FBN2: variants seen among roughly 807,000 people sequenced by gnomAD.
The protein encoded by FBN2 is fibrillin 2.
Under a neutral mutation model 355.6 loss-of-function variants are expected in FBN2, and 105 were observed. That is an observed-to-expected ratio of 0.30 (90% CI 0.25 to 0.35). The LOEUF (loss-of-function observed/expected upper bound fraction) is 0.35, where lower values mean the gene tolerates loss of function less well. FBN2 is among the 10% of genes least tolerant of loss of function. The pLI is 1.00. For synonymous variants in FBN2, 1,350 were observed against 1,301.2 expected, an observed-to-expected ratio of 1.04 and a Z score of -0.81; for missense variants, 3,280 against 3,758.7, an observed-to-expected ratio of 0.87 and a Z score of 3.33.
intron 62 of FBN2, among the ~76,000 whole-genome samples, chr5:128,266,174 T>A (rs760661333): frequency 1.3e-4 from 20 of 152,202 alleles, no homozygotes; most frequent in Admixed American, 6.5e-5. Context: ...GGGAAGAAAG[T>A]CAGCAATTTT....
rs754101758 is a variant in FBN2, at chr5:128,263,479, G to T, written c.8138C>A (p.Thr2713Lys). The change falls in exon 63 of 65, where the codon ACG becomes AAG. Residue 2713 changes from threonine to lysine, a missense_variant. Transcript: ENST00000262464. ...GCAGCCACAGAGGTAGCCCCCCTCC[G>T]TGTTAGAGCAGCCGTAATTGCAGGG... ...KNPCNYGCSNTEGGYLCGCPP... is the reference protein window; with the variant it reads ...KNPCNYGCSNKEGGYLCGCPP... 11 of 1,614,078 alleles carry T rather than the reference G, an allele frequency of 6.8e-6. No homozygotes were observed. The highest frequency in any genetic ancestry group is 9.3e-6 in the Non-Finnish European group (11 of 1,179,990).
intron 16 of FBN2, 121 bp from the exon 17 acceptor site, chr5:128,366,551 G>A: frequency 5.4e-6 from 3 of 552,218 alleles, no homozygotes; most frequent in Non-Finnish European, 9.7e-6. Flanking sequence ...TTTTTAAAGT[G>A]AAAAAAATTA....
chr5:128,535,314 C>A (rs1756817519), intron 2 of FBN2, among the ~76,000 whole-genome samples: 1 of 151,262 alleles, frequency 6.6e-6, no homozygotes, highest in Admixed American at 6.6e-5. Flanking sequence ...AAGCATCTAT[C>A]TCAAAACCAC....
At chr5:128,402,628 G>GA (rs1451699559) in intron 8 of FBN2, among the ~76,000 whole-genome samples, 1 of 152,172 alleles carries the variant, frequency 6.6e-6, no homozygotes, top group Non-Finnish European at 1.5e-5. Context: ...GTCTCCTGTG[G>GA]AATTAGGTTT....
chr5:128,519,155 T>A lies in FBN2; in HGVS notation c.628+118A>T, dbSNP rs6886186. 77,801 of 772,820 alleles carry A rather than the reference T, an allele frequency of 0.1. 7,081 individuals carry two copies. Among genetic ancestry groups the A allele is most frequent in the African/African-American group, 0.38 (21,693 of 57,748 alleles). 47.9% of individuals were successfully genotyped at this position (772,820 alleles called of 1,614,324 possible). ...CTTACCATTCAACTTAGAGACATAA[T>A]CAAAGAAGAGTAAAAATATAATTTC... On this transcript the variant is annotated intron_variant, in intron 5 of 64. Coordinates refer to ENST00000262464, the MANE Select transcript of FBN2 (RefSeq NM_001999.4).
Position 128,276,106 on chromosome 5 carries a change from G to C in FBN2, c.7526C>G (p.Thr2509Ser), listed in dbSNP as rs1489717742. The C allele has an allele frequency of 6.2e-7, 1 of 1,613,608 alleles. No individual in the cohort carries two copies. Among genetic ancestry groups the C allele is most frequent in the Non-Finnish European group, 8.5e-7 (1 of 1,179,680 alleles). ...ACATGAACACTGATAACTCCCCTCA[G>C]TGTTCTTGCAGATGTAGTTGCATGG... Reference protein sequence around the residue: ...PKPCNYICKNTEGSYQCSCPR... With the variant: ...PKPCNYICKNSEGSYQCSCPR... The change falls in exon 59 of 65, where the codon ACT becomes AGT. Residue 2509 changes from threonine (T) to serine (S), a missense_variant. Around this residue, in one of 6 missense-constraint regions of FBN2, gnomAD observed 2,284 missense variants for 2,749.5 expected, o/e 0.83. Transcript: ENST00000262464.
chr5:128,444,361 C>T (rs757774866), intron 7 of FBN2, among the ~76,000 whole-genome samples: 15 of 152,114 alleles, frequency 9.9e-5, no homozygotes, highest in African/African-American at 1.4e-4. Context: ...CGTGAGCCAC[C>T]GCGCCCGGCC....
At chr5:128,348,308 T>C (rs921533479) in intron 23 of FBN2, among the ~76,000 whole-genome samples, 1 of 152,172 alleles carries the variant, frequency 6.6e-6, no homozygotes, top group Admixed American at 6.5e-5. Context: ...TTTCTAAACA[T>C]TGTAGATCAC....
intron 15 of FBN2, among the ~76,000 whole-genome samples, chr5:128,369,997 A>G (rs1039687848): frequency 8.5e-5 from 13 of 152,202 alleles, no homozygotes; most frequent in Admixed American, 6.5e-4. Flanking sequence ...CATTTTATAG[A>G]TGAGGAAGAT....
chr5:128,373,812 G>C (rs1262588250), intron 15 of FBN2, among the ~76,000 whole-genome samples: 1 of 151,996 alleles, frequency 6.6e-6, no homozygotes, highest in South Asian at 2.1e-4. Flanking sequence ...GATTTTCATG[G>C]GATCAATTTG....
rs866096064 is a variant in FBN2, at chr5:128,480,006, A to G, written c.629-15085T>C. On this transcript the variant is annotated intron_variant, in intron 5 of 64. Transcript: ENST00000262464. ...TATATATATATATATATATATATAT[A>G]TATATATATATATATATGTATATAC... Among the ~76,000 whole-genome samples, 607 of 81,506 alleles carry G rather than the reference A, an allele frequency of 7.4e-3. 14 individuals carry two copies. Among genetic ancestry groups the G allele is most frequent in the African/African-American group, 0.013 (286 of 21,892 alleles). 53.5% of individuals were successfully genotyped at this position (81,506 alleles called of 152,430 possible). A position where few individuals can be genotyped will look rare whatever the true frequency, so the allele number is the denominator to read the frequency against.
chr5:128,354,075 A>G (rs908197886), intron 20 of FBN2, among the ~76,000 whole-genome samples: 1 of 152,208 alleles, frequency 6.6e-6, no homozygotes, highest in Admixed American at 6.5e-5. Flanking sequence ...ACAGATGTAG[A>G]TAGTCAGGAA....
intron 24 of FBN2, 87 bp from the exon 25 acceptor site, chr5:128,344,597 A>G: frequency 3.1e-6 from 4 of 1,287,064 alleles, no homozygotes; most frequent in Non-Finnish European, 3.4e-6. Flanking sequence ...ATCATGATGG[A>G]CAACAGTAAT....
chr5:128,345,098 G>A (rs1025602795), intron 24 of FBN2, among the ~76,000 whole-genome samples: 1 of 152,204 alleles, frequency 6.6e-6, no homozygotes. Context: ...TGCTACAGAT[G>A]TAGCTATCAG....
Position 128,273,874 on chromosome 5 carries a change from C to T in FBN2, c.7806G>A (p.Gly2602=). The T allele has an allele frequency of 6.2e-7, 1 of 1,613,988 alleles. No individual in the cohort carries two copies. The highest frequency in any genetic ancestry group is 1.1e-5 in the South Asian group (1 of 91,084). Residue 2602 remains glycine (G), a synonymous_variant, in exon 61 of 65, where the codon GGG becomes GGA. Coordinates refer to ENST00000262464, the MANE Select transcript of FBN2 (RefSeq NM_001999.4). ...TCAGTCCGGTGGCATCAAGAGAGAA[C>T]CCTCTTTGGCATTCACAGCTGAAAC... ...PGSFSCECQR[G]FSLDATGLNC...
intron 6 of FBN2, among the ~76,000 whole-genome samples, chr5:128,460,689 T>C (rs1236543148): frequency 6.6e-6 from 1 of 151,942 alleles, no homozygotes; most frequent in African/African-American, 2.4e-5. Flanking sequence ...AACAGAGACC[T>C]CAGAAATAAC....
chr5:128,493,296 T>C (rs1755559396), intron 5 of FBN2, among the ~76,000 whole-genome samples: 1 of 152,108 alleles, frequency 6.6e-6, no homozygotes, highest in African/African-American at 2.4e-5. Context: ...CGAAGGTGTA[T>C]TTGGGAAAAA....
At chr5:128,464,122 T>A (rs955926196) in intron 6 of FBN2, among the ~76,000 whole-genome samples, 2 of 152,214 alleles carry the variant, frequency 1.3e-5, no homozygotes, top group African/African-American at 4.8e-5. Context: ...TGCAGTCTAC[T>A]AAGGTAGCAT....
At chr5:128,399,226 G>T (rs1339839252) in intron 8 of FBN2, among the ~76,000 whole-genome samples, 2 of 152,198 alleles carry the variant, frequency 1.3e-5, no homozygotes, top group South Asian at 2.1e-4. Flanking sequence ...TGAAACTGCA[G>T]AACTACAAAG....
Sources: gnomAD v4.1 joint callset for allele counts (sites outside exome capture counted in the v4.1 genomes callset) on GRCh38, gnomAD v4.1.1 for gene constraint, gnomAD v4.1.1 regional missense constraint, MANE v1.5 for transcripts, NCBI Gene and HGNC (gene_info 2026-07-23, HGNC 2026-07-21) for gene names.